The following SORCS2 variants were observed in gnomAD, a reference collection of about 807,000 sequenced individuals.
SORCS2 encodes VPS10 domain-containing receptor SorCS2.
Under a neutral mutation model 141.6 loss-of-function variants are expected in SORCS2, and 100 were observed. The ratio of observed to expected loss-of-function variants is 0.71; its 90% CI spans 0.60 to 0.83. SORCS2 has a LOEUF of 0.83. SORCS2 is among the 40% of genes least tolerant of loss of function. The probability of loss-of-function intolerance (pLI) is 0.00; values close to 1 mark genes in which losing one functional copy is unlikely to be tolerated. For synonymous variants in SORCS2, 789 were observed against 676.9 expected (o/e 1.17, Z -2.57); for missense variants, 1,646 against 1,560.2 (o/e 1.05, Z -0.93).
intron 1 of SORCS2, among the ~76,000 whole-genome samples, chr4:7,382,224 G>T (rs944095405): frequency 1.3e-5 from 2 of 152,116 alleles, no homozygotes; most frequent in Admixed American, 6.5e-5. Context: ...TGGGGGTCTT[G>T]GTCTCCAAAG....
chr4:7,714,136 G>A (rs923530881), intron 15 of SORCS2, 104 bp from the exon 16 acceptor site: 37 of 1,461,496 alleles, frequency 2.5e-5, no homozygotes, highest in South Asian at 2.1e-4. Flanking sequence ...TCTGTAACCT[G>A]AGCCATCAGC....
At chr4:7,644,351 C>T (rs186095957) in intron 4 of SORCS2, among the ~76,000 whole-genome samples, 231 of 152,186 alleles carry the variant, frequency 1.5e-3, no homozygotes, top group African/African-American at 5.0e-3. Context: ...GCTGCCTTCA[C>T]CACCACCACG....
Position 7,192,735 on chromosome 4 carries a change from C to T in SORCS2, c.89C>T (p.Ser30Leu). The stretch of plus-strand genomic sequence containing the variant: ...CCCGGGGCTCCGCCGCCGCCGCGCT[C>T]GCCGCGCTCGCGGCCGCTCCTGCTG... ...PSPGAPPPPR[S>L]PRSRPLLLLL... is the part of the protein sequence containing the mutation. Residue 30 changes from serine (S) to leucine (L), a missense_variant, in exon 1 of 27, where the codon TCG becomes TTG. Transcript: ENST00000507866. This position sits in a 1 kb window ranked among gnomAD's most constrained non-coding sequence, Gnocchi z 4.0. 1.0e-6 allele frequency: 1 copy of T among 992,510 alleles called. No homozygotes were observed. Among genetic ancestry groups the T allele is most frequent in the Non-Finnish European group, 1.2e-6 (1 of 836,410 alleles). The allele number at this position is 992,510 out of a possible 1,614,324, so 61.5% of individuals were successfully genotyped here.
chr4:7,541,514 G>A (rs1366398928), intron 3 of SORCS2, among the ~76,000 whole-genome samples: 5 of 152,220 alleles, frequency 3.3e-5, no homozygotes, highest in South Asian at 2.1e-4. Flanking sequence ...CAGGAGGGGC[G>A]ATCACTCAGG....
At chr4:7,660,712 C>G (rs1315289970) in intron 5 of SORCS2, among the ~76,000 whole-genome samples, 1 of 152,208 alleles carries the variant, frequency 6.6e-6, no homozygotes, top group Non-Finnish European at 1.5e-5. Flanking sequence ...GTGGGGTCAC[C>G]TATGAATGCA....
At chr4:7,563,206 T>C (rs1247456607) in intron 3 of SORCS2, among the ~76,000 whole-genome samples, 1 of 152,120 alleles carries the variant, frequency 6.6e-6, no homozygotes, top group Admixed American at 6.5e-5. Context: ...CATGCCCAGA[T>C]GTGCAGAGCT....
intron 3 of SORCS2, among the ~76,000 whole-genome samples, chr4:7,635,980 A>G (rs537034263): frequency 1.3e-5 from 2 of 152,346 alleles, no homozygotes; most frequent in East Asian, 3.9e-4. Context: ...CTCCTTGCAG[A>G]CTATTGATTT....
At chr4:7,295,884 G>A (rs1399602460) in intron 1 of SORCS2, among the ~76,000 whole-genome samples, 2 of 152,246 alleles carry the variant, frequency 1.3e-5, no homozygotes, top group East Asian at 3.9e-4. Flanking sequence ...TAGGTGATCA[G>A]TGTGGAGAAC....
intron 2 of SORCS2, among the ~76,000 whole-genome samples, chr4:7,466,939 T>A (rs1729653498): frequency 1.3e-5 from 2 of 152,182 alleles, no homozygotes; most frequent in African/African-American, 4.8e-5. Flanking sequence ...CCCTGCTGCC[T>A]TTCTCTTTGG....
chr4:7,378,451 C>T (rs1722788550), intron 1 of SORCS2, among the ~76,000 whole-genome samples: 1 of 152,138 alleles, frequency 6.6e-6, no homozygotes, highest in Admixed American at 6.5e-5. Context: ...AGGAAGCAAA[C>T]ACGTCCTTCT....
chr4:7,461,905 CGCAGGCTTCAGTGCCTCTGCTGTCCT>C (rs869193207), intron 2 of SORCS2, among the ~76,000 whole-genome samples: 35 of 101,588 alleles, frequency 3.4e-4, no homozygotes, highest in African/African-American at 9.1e-4. Context: ...GGTGCTGTCC[CGCAGGCTTCAGTGCCTCTGCTGTCCT>C]GCAGGCTTCA....
intron 10 of SORCS2, among the ~76,000 whole-genome samples, chr4:7,688,002 C>T (rs376999724): frequency 5.3e-5 from 8 of 152,330 alleles, no homozygotes; most frequent in Non-Finnish European, 8.8e-5. Flanking sequence ...ATCTGTTAAA[C>T]CCTTGAGCAG....
chr4:7,697,346 T>A, intron 12 of SORCS2, 72 bp downstream of exon 12: 1 of 1,298,272 alleles, frequency 7.7e-7, no homozygotes, highest in Non-Finnish European at 1.1e-6. Context: ...ACTTCTGTTC[T>A]GTCATCCCGT....
At chr4:7,325,523 G>A (rs1020519408) in intron 1 of SORCS2, among the ~76,000 whole-genome samples, 8 of 152,318 alleles carry the variant, frequency 5.3e-5, no homozygotes, top group Non-Finnish European at 8.8e-5. Context: ...CAGGGCACTC[G>A]GGGCTTTCAC....
At chr4:7,705,268 CGCCTCTAGA>C in intron 14 of SORCS2, among the ~76,000 whole-genome samples, 1 of 152,242 alleles carries the variant, frequency 6.6e-6, no homozygotes, top group South Asian at 2.1e-4. Context: ...AGGAAGCCTC[CGCCTCTAGA>C]GCCTCTAGAG....
chr4:7,357,827 G>A (rs1449590226), intron 1 of SORCS2, among the ~76,000 whole-genome samples: 5 of 152,160 alleles, frequency 3.3e-5, no homozygotes, highest in Non-Finnish European at 5.9e-5. Flanking sequence ...TCCCCATCCT[G>A]CCTTGTGTTT....
At chr4:7,476,086 G>C (rs983265049) in intron 2 of SORCS2, among the ~76,000 whole-genome samples, 1 of 152,224 alleles carries the variant, frequency 6.6e-6, no homozygotes, top group African/African-American at 2.4e-5. Context: ...TCTCTCTCCT[G>C]AGAGCCACAG....
At chr4:7,315,449 G>T (rs1032524748) in intron 1 of SORCS2, among the ~76,000 whole-genome samples, 1 of 152,242 alleles carries the variant, frequency 6.6e-6, no homozygotes, top group Non-Finnish European at 1.5e-5. Flanking sequence ...AATGAACACT[G>T]ACTGGCTGTC....
intron 3 of SORCS2, among the ~76,000 whole-genome samples, chr4:7,614,274 C>A (rs1209461682): frequency 2.6e-5 from 4 of 151,558 alleles, no homozygotes. Flanking sequence ...ATCCATCCAC[C>A]CATCCACTCA....
Sources: allele counts gnomAD v4.1 joint callset (sites outside exome capture counted in the v4.1 genomes callset), GRCh38; gene constraint gnomAD v4.1.1; non-coding constraint Gnocchi (gnomAD v3.1); transcripts MANE v1.5; gene names NCBI Gene and HGNC (gene_info 2026-07-23, HGNC 2026-07-21).